RALYL: variants seen among roughly 807,000 people sequenced by gnomAD.
RALYL encodes the protein RNA-binding Raly-like protein.
A neutral mutation model predicts 35.1 loss-of-function variants in RALYL; 29 were observed. The ratio of observed to expected loss-of-function variants is 0.83; its 90% CI spans 0.61 to 1.13. The LOEUF (loss-of-function observed/expected upper bound fraction) is 1.13, where lower values mean the gene tolerates loss of function less well. Among genes scored for constraint, RALYL ranks in the 50% most tolerant of loss-of-function variants. The pLI is 0.00. For synonymous variants in RALYL, 120 were observed against 127.6 expected, an observed-to-expected ratio of 0.94 and a Z score of 0.40; for missense variants, 359 against 360.4, an observed-to-expected ratio of 1.00 and a Z score of 0.03.
At chr8:84,597,388 C>T (rs1378227079) in intron 2 of RALYL, among the ~76,000 whole-genome samples, 2 of 152,118 alleles carry the variant, frequency 1.3e-5, no homozygotes, top group Non-Finnish European at 2.9e-5. Flanking sequence ...TCTTAATTAT[C>T]AAATTCTGTT....
intron 2 of RALYL, among the ~76,000 whole-genome samples, chr8:84,657,769 A>G (rs1294481230): frequency 6.6e-6 from 1 of 152,160 alleles, no homozygotes; most frequent in African/African-American, 2.4e-5. Flanking sequence ...GCTCTAGATG[A>G]GATGTTGCAA....
intron 1 of RALYL, among the ~76,000 whole-genome samples, chr8:84,369,833 A>G (rs558926747): frequency 5.9e-5 from 9 of 152,192 alleles, no homozygotes; most frequent in Middle Eastern, 3.4e-3. Context: ...ATTCTTACGA[A>G]TTTTTTTCTT....
At chr8:84,299,906 C>A (rs1840454545) in intron 1 of RALYL, among the ~76,000 whole-genome samples, 1 of 151,918 alleles carries the variant, frequency 6.6e-6, no homozygotes, top group Non-Finnish European at 1.5e-5. Context: ...TTCAAAGAAC[C>A]AACTTCTGGT....
At chr8:84,728,729 G>C (rs938597494) in intron 2 of RALYL, among the ~76,000 whole-genome samples, 4 of 152,046 alleles carry the variant, frequency 2.6e-5, no homozygotes, top group African/African-American at 9.7e-5. Flanking sequence ...TATTAAATAG[G>C]GAATCCTTTC....
chr8:84,442,695 G>T (rs1452943416), intron 1 of RALYL, among the ~76,000 whole-genome samples: 1 of 152,100 alleles, frequency 6.6e-6, no homozygotes, highest in Non-Finnish European at 1.5e-5. Flanking sequence ...ATTTTTGGTT[G>T]CAAGCTTGGA....
intron 1 of RALYL, among the ~76,000 whole-genome samples, chr8:84,320,982 A>T (rs969130261): frequency 1.3e-5 from 2 of 151,998 alleles, no homozygotes; most frequent in Non-Finnish European, 1.5e-5. Flanking sequence ...CAACCTTTTC[A>T]TTTTTTGGCA....
chr8:84,506,011 G>A (rs1395494177), intron 1 of RALYL, among the ~76,000 whole-genome samples: 2 of 151,984 alleles, frequency 1.3e-5, no homozygotes, highest in Admixed American at 1.3e-4. Flanking sequence ...TCCATAATTA[G>A]TATTGTAATG....
chr8:84,793,924 C>T (rs763444302), intron 3 of RALYL, among the ~76,000 whole-genome samples: 3 of 152,236 alleles, frequency 2.0e-5, no homozygotes, highest in South Asian at 2.1e-4. Context: ...GCAAAACACA[C>T]GTAAAAATGA....
intron 2 of RALYL, among the ~76,000 whole-genome samples, chr8:84,696,655 T>G (rs1274058265): frequency 6.6e-6 from 1 of 151,128 alleles, no homozygotes; most frequent in African/African-American, 2.4e-5. Context: ...ACTAAAGAAG[T>G]TTTGAAAATA....
At chr8:84,689,805 G>T (rs557166907) in intron 2 of RALYL, among the ~76,000 whole-genome samples, 24 of 152,220 alleles carry the variant, frequency 1.6e-4, no homozygotes, top group Non-Finnish European at 2.2e-4. Context: ...TTATGGTTTT[G>T]ATTTGCATTT....
rs1344942840 is a variant in RALYL, at chr8:84,719,438, GT to G, written c.257-55139del. Among the ~76,000 whole-genome samples, 7 of 152,224 alleles carry G rather than the reference GT, an allele frequency of 4.6e-5. No homozygotes were observed. In the East Asian group the frequency reaches 1.4e-3, roughly 29 times the overall value. The stretch of plus-strand genomic sequence containing the variant: ...GTCCTTTTTGTTCTCAGGTTTTGGA[GT>G]TACTTTTTCTACTGACAACCCTAAT... On this transcript the variant is annotated intron_variant, in intron 2 of 8. Transcript: ENST00000521268.
chr8:84,302,304 A>T (rs1840951362), intron 1 of RALYL, among the ~76,000 whole-genome samples: 1 of 152,152 alleles, frequency 6.6e-6, no homozygotes, highest in Non-Finnish European at 1.5e-5. Flanking sequence ...ACTTCTCATT[A>T]CCTTTCCTTG....
intron 1 of RALYL, among the ~76,000 whole-genome samples, chr8:84,226,184 A>G (rs1000194471): frequency 4.6e-5 from 7 of 152,142 alleles, no homozygotes; most frequent in African/African-American, 1.2e-4. Context: ...TGTGCATGCA[A>G]CGGATCTAGG....
chr8:84,535,762 C>G (rs942184080), intron 2 of RALYL, among the ~76,000 whole-genome samples: 1 of 151,850 alleles, frequency 6.6e-6, no homozygotes, highest in Non-Finnish European at 1.5e-5. Flanking sequence ...CGTGAGCCAC[C>G]GCGCCCGGCC....
At chr8:84,433,239 A>T (rs1159352950) in intron 1 of RALYL, among the ~76,000 whole-genome samples, 1 of 152,102 alleles carries the variant, frequency 6.6e-6, no homozygotes, top group East Asian at 1.9e-4. Context: ...GTTTCTTTCC[A>T]CCTCAGCCAG....
chr8:84,885,349 T>A (rs774724773), intron 7 of RALYL, among the ~76,000 whole-genome samples: 2 of 152,086 alleles, frequency 1.3e-5, no homozygotes, highest in Non-Finnish European at 2.9e-5. Context: ...AATTGGATAA[T>A]AATTTTCTAT....
At chr8:84,545,327 G>C (rs1029639492) in intron 2 of RALYL, among the ~76,000 whole-genome samples, 6 of 152,042 alleles carry the variant, frequency 3.9e-5, no homozygotes, top group Non-Finnish European at 8.8e-5. Flanking sequence ...ATTTTCATTG[G>C]AGAAGAGTAG....
chr8:84,481,866 G>T (rs1429461693), intron 1 of RALYL, among the ~76,000 whole-genome samples: 2 of 152,048 alleles, frequency 1.3e-5, no homozygotes, highest in Non-Finnish European at 2.9e-5. Flanking sequence ...TGGTAGAAAT[G>T]TTCTATATTG....
intron 8 of RALYL, among the ~76,000 whole-genome samples, chr8:84,907,668 A>G (rs1239699829): frequency 6.6e-6 from 1 of 152,056 alleles, no homozygotes; most frequent in Admixed American, 6.6e-5. Context: ...TTTGATATGT[A>G]TAGTACCCTT....
Sources: allele counts gnomAD v4.1 joint callset (sites outside exome capture counted in the v4.1 genomes callset), GRCh38; gene constraint gnomAD v4.1.1; transcripts MANE v1.5; gene names NCBI Gene and HGNC (gene_info 2026-07-23, HGNC 2026-07-21).